Variants in RAB11FIP3 observed in about 807,000 individuals in gnomAD.
The protein encoded by RAB11FIP3 is rab11 family-interacting protein 3.
In RAB11FIP3, 17 loss-of-function variants were observed where a neutral mutation model predicts 77.8. That is an observed-to-expected ratio of 0.22 (90% CI 0.15 to 0.33). RAB11FIP3 has a LOEUF of 0.33. RAB11FIP3 is among the 10% of genes least tolerant of loss of function. The pLI is 1.00. For synonymous variants in RAB11FIP3, 437 were observed against 448.2 expected (o/e 0.98, Z 0.31); for missense variants, 1,005 against 1,011.2 (o/e 0.99, Z 0.08).
At chr16:448,755 A>T (rs2055359138) in intron 1 of RAB11FIP3, among the ~76,000 whole-genome samples, 1 of 150,338 alleles carries the variant, frequency 6.7e-6, no homozygotes, top group Non-Finnish European at 1.5e-5. Flanking sequence ...AAAAAAAAAA[A>T]AAATACAAAA....
chr16:495,923 A>T (rs113068965), intron 5 of RAB11FIP3, among the ~76,000 whole-genome samples: 8,171 of 151,766 alleles, frequency 0.054, 322 homozygotes, highest in African/African-American at 0.12. Flanking sequence ...GTTATTTTTG[A>T]ATTTTTAGTA....
chr16:518,697 G>GC (rs2141907296), intron 9 of RAB11FIP3, among the ~76,000 whole-genome samples: 1 of 151,966 alleles, frequency 6.6e-6, no homozygotes, highest in East Asian at 1.9e-4. Context: ...CTGCACTCCA[G>GC]CCTGGTGACA....
chr16:465,678 C>T (rs995649827), intron 2 of RAB11FIP3, among the ~76,000 whole-genome samples: 3 of 151,490 alleles, frequency 2.0e-5, no homozygotes, highest in Non-Finnish European at 2.9e-5. Context: ...GGTGTGATCT[C>T]GGCTCACTGC....
Position 426,355 on chromosome 16 carries a change from C to G in RAB11FIP3, c.349C>G (p.Pro117Ala). ...AGGGCCGCGCTCCGAAGCGCCGCTT[C>G]CAGAACTCGACCCGTTGTTCTCCTG... Reference protein sequence around the residue: ...GPGPRSEAPLPELDPLFSWTE... With the variant: ...GPGPRSEAPLAELDPLFSWTE... Residue 117 changes from proline (P) to alanine (A), a missense_variant, in exon 1 of 14, where the codon CCA becomes GCA. By Grantham distance (27) the Pro-to-Ala change is conservative (BLOSUM62 -1). Coordinates refer to ENST00000262305, the MANE Select transcript of RAB11FIP3 (RefSeq NM_014700.4). This position sits in a 1 kb window ranked among gnomAD's most constrained non-coding sequence, Gnocchi z 5.0. 4 of 1,526,790 alleles carry G rather than the reference C, an allele frequency of 2.6e-6. No individual in the cohort carries two copies. Among genetic ancestry groups the G allele is most frequent in the Non-Finnish European group, 3.5e-6 (4 of 1,138,758 alleles). 94.6% of individuals were successfully genotyped at this position (1,526,790 alleles called of 1,614,324 possible). A position where few individuals can be genotyped will look rare whatever the true frequency, so the allele number is the denominator to read the frequency against.
At chr16:482,426 C>A in intron 3 of RAB11FIP3, 99 bp from the exon 4 acceptor site, 1 of 1,131,950 alleles carries the variant, frequency 8.8e-7, no homozygotes, top group Non-Finnish European at 1.3e-6. Flanking sequence ...CCCCTCCCTC[C>A]ACACTGCCCT....
In RAB11FIP3 at chr16:505,730, A is replaced by G. The variant is rs948171549; in HGVS notation, c.1499+103A>G. 2 of 1,019,252 alleles carry G rather than the reference A, an allele frequency of 2.0e-6. No homozygotes were observed. The highest frequency in any genetic ancestry group is 3.2e-5 in the African/African-American group (2 of 62,292). 63.1% of individuals were successfully genotyped at this position (1,019,252 alleles called of 1,614,324 possible). On this transcript the variant is annotated intron_variant, in intron 8 of 13. Transcript: ENST00000262305. The surrounding 1 kb of genome is among the most constrained non-coding windows in gnomAD (Gnocchi z 4.0). ...TACCTCACACAGCAGGGGCTTGGCC[A>G]CCCGTCCATCCCCGTTGGAAGCCGG...
At chr16:450,440 A>G (rs2055388390) in intron 1 of RAB11FIP3, among the ~76,000 whole-genome samples, 1 of 152,146 alleles carries the variant, frequency 6.6e-6, no homozygotes, top group Admixed American at 6.6e-5. Context: ...CTGGCCTCCA[A>G]AAGTGCTGGG....
chr16:482,662 C>G lies in RAB11FIP3; in HGVS notation c.1041C>G (p.Gly347=). 6.2e-7 allele frequency: 1 copy of G among 1,612,910 alleles called. No homozygotes were observed. Among genetic ancestry groups the G allele is most frequent in the Non-Finnish European group, 8.5e-7 (1 of 1,179,984 alleles). The part of the protein sequence containing the change: ...QPEGDADSAG[G]SAVPSECLDA... ...AAGGGGACGCAGACAGTGCCGGCGG[C>G]TCGGCCGTGCCCTCTGAGTGCCTGG... is the stretch of plus-strand genomic sequence containing the variant. The change falls in exon 4 of 14, where the codon GGC becomes GGG. Residue 347 remains glycine (G), a synonymous_variant. Coordinates refer to ENST00000262305, the MANE Select transcript of RAB11FIP3 (RefSeq NM_014700.4).
intron 9 of RAB11FIP3, among the ~76,000 whole-genome samples, chr16:515,851 C>G (rs757838603): frequency 6.6e-6 from 1 of 152,332 alleles, no homozygotes. Flanking sequence ...TGGATAAAGG[C>G]GAGGCTCACA....
intron 2 of RAB11FIP3, among the ~76,000 whole-genome samples, chr16:468,682 A>C (rs1314611051): frequency 6.6e-6 from 1 of 152,136 alleles, no homozygotes; most frequent in Non-Finnish European, 1.5e-5. Context: ...TTGTTTCAGG[A>C]ATAGAATGAG....
chr16:464,908 A>G (rs2055675773), intron 2 of RAB11FIP3, among the ~76,000 whole-genome samples: 1 of 152,194 alleles, frequency 6.6e-6, no homozygotes, highest in African/African-American at 2.4e-5. Context: ...AAACAAAAAA[A>G]ACTTGCCATT....
chr16:522,468 GC>G lies in RAB11FIP3; in HGVS notation c.*1630del, dbSNP rs1179089902. The G allele has an allele frequency of 3.3e-5, 5 of 152,000 alleles. No individual in the cohort carries two copies. The highest frequency in any genetic ancestry group is 4.8e-5 in the African/African-American group (2 of 41,364). The allele number at this position is 152,000 out of a possible 1,614,324, so 9.4% of individuals were successfully genotyped here. ...AGGGCAGGGGCCACCACAGATTAAA[GC>G]TGTTACTGCACACGCAGAGGCCGGC... On this transcript the variant is annotated 3_prime_UTR_variant, in exon 14 of 14. Transcript: ENST00000262305.
intron 3 of RAB11FIP3, among the ~76,000 whole-genome samples, chr16:475,838 C>T (rs1396953568): frequency 2.6e-5 from 4 of 152,096 alleles, no homozygotes; most frequent in Admixed American, 6.6e-5. Flanking sequence ...CAGGGAGGCC[C>T]GGCTTACTTT....
chr16:439,556 G>A (rs996010884), intron 1 of RAB11FIP3, among the ~76,000 whole-genome samples: 1 of 152,228 alleles, frequency 6.6e-6, no homozygotes, highest in African/African-American at 2.4e-5. Context: ...CCTGATGGCT[G>A]TGGACCCACA....
intron 3 of RAB11FIP3, chr16:475,121 A>C: frequency 1.9e-6 from 3 of 1,543,732 alleles, no homozygotes; most frequent in Non-Finnish European, 2.6e-6. Context: ...AGTAGTGTGC[A>C]CTGTGCCCAG....
At chr16:467,475 CT>C (rs1415259496) in intron 2 of RAB11FIP3, among the ~76,000 whole-genome samples, 6 of 123,408 alleles carry the variant, frequency 4.9e-5, no homozygotes, top group African/African-American at 1.3e-4. Flanking sequence ...GGAGGAGGTG[CT>C]GGGACGTCAG....
chr16:455,003 T>C (rs2055476045), intron 1 of RAB11FIP3, among the ~76,000 whole-genome samples: 1 of 149,800 alleles, frequency 6.7e-6, no homozygotes, highest in Non-Finnish European at 1.5e-5. Context: ...TGAGCCGAGA[T>C]TGCACTACTG....
intron 3 of RAB11FIP3, chr16:474,754 T>G: frequency 7.7e-7 from 1 of 1,296,088 alleles, no homozygotes; most frequent in Non-Finnish European, 9.9e-7. Flanking sequence ...AAAGCCACTC[T>G]GTTTTCAGCC....
chr16:443,811 G>A (rs977358441), intron 1 of RAB11FIP3, among the ~76,000 whole-genome samples: 5 of 152,166 alleles, frequency 3.3e-5, no homozygotes, highest in Non-Finnish European at 5.9e-5. Context: ...TGATCCGCCC[G>A]CCTTGGCCTC....
Sources: gnomAD v4.1 joint callset for allele counts (sites outside exome capture counted in the v4.1 genomes callset) on GRCh38, gnomAD v4.1.1 for gene constraint, Gnocchi (gnomAD v3.1) non-coding constraint, MANE v1.5 for transcripts, NCBI Gene and HGNC (gene_info 2026-07-23, HGNC 2026-07-21) for gene names.